The following KATNAL2 variants were observed in gnomAD, a reference collection of about 807,000 sequenced individuals.
The protein encoded by KATNAL2 is katanin p60 ATPase-containing subunit A-like 2.
In KATNAL2, 52 loss-of-function variants were observed where a neutral mutation model predicts 76.3. The observed-to-expected ratio is 0.68, with a 90% CI of 0.55 to 0.86. KATNAL2 has a LOEUF of 0.86. KATNAL2 is among the 40% of genes least tolerant of loss of function. The probability of loss-of-function intolerance (pLI) is 0.00; values close to 1 mark genes in which losing one functional copy is unlikely to be tolerated. For missense variants in KATNAL2, 660 were observed against 668.9 expected, an observed-to-expected ratio of 0.99 and a Z score of 0.15; for synonymous variants, 243 against 244.2, an observed-to-expected ratio of 1.00 and a Z score of 0.05.
intron 15 of KATNAL2, among the ~76,000 whole-genome samples, chr18:47,090,852 G>C (rs1568020714): frequency 6.6e-6 from 1 of 152,090 alleles, no homozygotes; most frequent in Non-Finnish European, 1.5e-5. Flanking sequence ...GCTGATGCTG[G>C]GCTCACTGTG....
intron 3 of KATNAL2, among the ~76,000 whole-genome samples, chr18:46,950,239 T>C (rs2059509126): frequency 6.6e-6 from 1 of 152,216 alleles, no homozygotes; most frequent in Non-Finnish European, 1.5e-5. Context: ...TATTTTTTGT[T>C]TTAGTCCCTA....
chr18:47,047,560 G>A (rs2061199741), intron 4 of KATNAL2, among the ~76,000 whole-genome samples: 1 of 152,038 alleles, frequency 6.6e-6, no homozygotes, highest in Admixed American at 6.5e-5. Context: ...AAACACACAA[G>A]CAATTACAGT....
chr18:47,031,305 A>T (rs1195911308), intron 3 of KATNAL2, among the ~76,000 whole-genome samples: 4 of 152,036 alleles, frequency 2.6e-5, no homozygotes, highest in African/African-American at 9.7e-5. Context: ...TTCAGTCCGA[A>T]TGAGGAAAAC....
chr18:47,069,544 A>C lies in KATNAL2; in HGVS notation c.952A>C (p.Ile318Leu). The stretch of plus-strand genomic sequence containing the variant: ...TGAATGTAAAACAACCTTCTTTAAC[A>C]TTTCTGCATCCACCATTGTCAGCAA... Reference protein sequence around the residue: ...ATECKTTFFNISASTIVSKWR... With the variant: ...ATECKTTFFNLSASTIVSKWR... Residue 318 changes from isoleucine to leucine, a missense_variant, in exon 13 of 18, where the codon ATT becomes CTT. Coordinates refer to ENST00000683218, the MANE Select transcript of KATNAL2 (RefSeq NM_001387690.1). The C allele has an allele frequency of 1.2e-6, 2 of 1,614,012 alleles. No individual in the cohort carries two copies. The highest frequency in any genetic ancestry group is 1.7e-6 in the Non-Finnish European group (2 of 1,179,950).
chr18:47,058,560 G>A (rs374028455), intron 7 of KATNAL2, among the ~76,000 whole-genome samples: 2 of 151,900 alleles, frequency 1.3e-5, no homozygotes, highest in African/African-American at 4.8e-5. Context: ...TTGAGTGGGA[G>A]GACTTTTTTC....
intron 1 of KATNAL2, among the ~76,000 whole-genome samples, chr18:46,945,417 A>G (rs1915766963): frequency 6.6e-6 from 1 of 152,228 alleles, no homozygotes. Context: ...GACTTTTCTT[A>G]TGCAGCAGGG....
At chr18:47,034,116 A>T in intron 3 of KATNAL2, 1 of 1,614,170 alleles carries the variant, frequency 6.2e-7, no homozygotes, top group Non-Finnish European at 8.5e-7. Context: ...GGTATTTTTC[A>T]CATGACAGAG....
chr18:47,042,142 A>G (rs570070891), intron 3 of KATNAL2, among the ~76,000 whole-genome samples: 22 of 152,144 alleles, frequency 1.4e-4, no homozygotes, highest in Admixed American at 5.9e-4. Flanking sequence ...TATTTCTCTC[A>G]TTCTGAATCA....
intron 15 of KATNAL2, among the ~76,000 whole-genome samples, chr18:47,097,762 A>G (rs962829310): frequency 6.6e-6 from 1 of 152,198 alleles, no homozygotes; most frequent in Non-Finnish European, 1.5e-5. Context: ...TCAGGGGTAC[A>G]TGTGCAGGTT....
intron 3 of KATNAL2, among the ~76,000 whole-genome samples, chr18:47,045,833 G>C (rs2061139700): frequency 6.6e-6 from 1 of 152,220 alleles, no homozygotes; most frequent in African/African-American, 2.4e-5. Context: ...TGAGATACCA[G>C]TTTCCTAAAT....
At chr18:47,086,283 T>C (rs2062767938) in intron 15 of KATNAL2, among the ~76,000 whole-genome samples, 1 of 152,202 alleles carries the variant, frequency 6.6e-6, no homozygotes, top group African/African-American at 2.4e-5. Flanking sequence ...GCATTTTTCA[T>C]TGCAATTGCC....
At chr18:47,060,894 C>G (rs2061611623) in intron 8 of KATNAL2, among the ~76,000 whole-genome samples, 1 of 152,214 alleles carries the variant, frequency 6.6e-6, no homozygotes, top group Non-Finnish European at 1.5e-5. Flanking sequence ...TTTCAGTCAC[C>G]TTTGCCTAGC....
intron 15 of KATNAL2, among the ~76,000 whole-genome samples, chr18:47,097,092 C>T (rs190373337): frequency 4.6e-4 from 66 of 142,088 alleles, no homozygotes; most frequent in African/African-American, 1.8e-3. Context: ...GCACTCCAGC[C>T]TGGGCAACAG....
chr18:47,047,322 T>C (rs1400230596), intron 4 of KATNAL2, among the ~76,000 whole-genome samples: 2 of 152,192 alleles, frequency 1.3e-5, no homozygotes, highest in Non-Finnish European at 2.9e-5. Flanking sequence ...ACTTTTCCTT[T>C]CCTCTACACA....
chr18:47,058,464 T>C, intron 7 of KATNAL2, 112 bp downstream of exon 7: 1 of 644,148 alleles, frequency 1.6e-6, no homozygotes, highest in Non-Finnish European at 2.7e-6. Flanking sequence ...AAAATTGCTG[T>C]GTGATCTAAT....
At chr18:47,049,313 C>T (rs2061268190) in intron 4 of KATNAL2, among the ~76,000 whole-genome samples, 1 of 152,192 alleles carries the variant, frequency 6.6e-6, no homozygotes, top group South Asian at 2.1e-4. Context: ...CTGACAATTA[C>T]ACTTATACTT....
intron 15 of KATNAL2, among the ~76,000 whole-genome samples, chr18:47,097,239 T>A (rs960817676): frequency 6.6e-6 from 1 of 152,070 alleles, no homozygotes; most frequent in East Asian, 1.9e-4. Flanking sequence ...CTAAAACCAT[T>A]AGTTGAAAGG....
chr18:46,947,912 T>G (rs555429535), intron 3 of KATNAL2, among the ~76,000 whole-genome samples: 21 of 152,286 alleles, frequency 1.4e-4, no homozygotes, highest in African/African-American at 4.8e-4. Context: ...AAGCCTATTT[T>G]AATCTCAGCA....
At chr18:47,069,151 T>A in intron 11 of KATNAL2, 69 bp from the exon 12 acceptor site, 9 of 1,101,784 alleles carry the variant, frequency 8.2e-6, no homozygotes, top group Non-Finnish European at 1.2e-5. Context: ...TTTCCCAGCT[T>A]GTCTGTGCTG....
Sources: gnomAD v4.1 joint callset for allele counts (sites outside exome capture counted in the v4.1 genomes callset) on GRCh38, gnomAD v4.1.1 for gene constraint, MANE v1.5 for transcripts, NCBI Gene and HGNC (gene_info 2026-07-23, HGNC 2026-07-21) for gene names.